SLC26A9: variants seen among roughly 807,000 people sequenced by gnomAD.
SLC26A9 encodes anion transporter/exchanger protein 9.
SLC26A9 carries 46 observed loss-of-function variants against 87.1 expected under a neutral mutation model. The observed-to-expected ratio is 0.53, with a 90% confidence interval of 0.42 to 0.67. The LOEUF is 0.67. Ranked by LOEUF, SLC26A9 falls within the 30% of genes least tolerant of loss-of-function variation. The pLI is 0.00. For synonymous variants in SLC26A9, 437 were observed against 409.1 expected (o/e 1.07, Z -0.82); for missense variants, 927 against 1,018.3 (o/e 0.91, Z 1.22).
intron 17 of SLC26A9, among the ~76,000 whole-genome samples, chr1:205,921,322 C>T (rs1349001908): frequency 1.3e-5 from 2 of 152,064 alleles, no homozygotes; most frequent in East Asian, 3.9e-4. Flanking sequence ...GTTGGGAGCA[C>T]AGGGGCCTGA....
At chr1:205,927,143 A>T in intron 11 of SLC26A9, 68 bp downstream of exon 11, 6 of 1,552,158 alleles carry the variant, frequency 3.9e-6, no homozygotes, top group Non-Finnish European at 4.4e-6. Context: ...GTAAAGTGCC[A>T]CACAACTCTC....
At chr1:205,926,816 C>T (rs892594449) in intron 11 of SLC26A9, among the ~76,000 whole-genome samples, 186 bp from the exon 12 acceptor site, 5 of 152,334 alleles carry the variant, frequency 3.3e-5, no homozygotes, top group South Asian at 2.1e-4. Flanking sequence ...CCATGGGGTC[C>T]TTCCTGGCCC....
At chr1:205,931,465 G>GTTTTTTTGTTTTTTTTT (rs1659300949) in intron 5 of SLC26A9, among the ~76,000 whole-genome samples, 1 of 96,012 alleles carries the variant, frequency 1.0e-5, no homozygotes, top group African/African-American at 4.3e-5. Flanking sequence ...CCCTAACTTG[G>GTTTTTTTGTTTTTTTTT]TTTTTTTTTT....
At chr1:205,928,340 C>T (rs113221021) in intron 8 of SLC26A9, 16 of 460,920 alleles carry the variant, frequency 3.5e-5, no homozygotes, top group African/African-American at 7.8e-5. Context: ...CCTGTATGCT[C>T]ACGAGTCCAC....
chr1:205,924,635 A>G, intron 12 of SLC26A9, 146 bp from the exon 13 acceptor site: 1 of 647,224 alleles, frequency 1.5e-6, no homozygotes, highest in Non-Finnish European at 2.7e-6. Context: ...ATTTTTTGCA[A>G]TATTTTATGT....
chr1:205,929,326 G>T lies in SLC26A9; in HGVS notation c.748C>A (p.His250Asn), dbSNP rs143411715. 1.2e-6 allele frequency: 2 copies of T among 1,614,190 alleles called. No homozygotes were observed. Among genetic ancestry groups the T allele is most frequent in the East Asian group, 2.2e-5 (1 of 44,888 alleles). Reference protein sequence around the residue: ...TFIDICKNLPHTNIASLIFAL... With the variant: ...TFIDICKNLPNTNIASLIFAL... ...AAGATGAGCGAGGCGATGTTGGTGT[G>T]GGGGAGGTTTTTGCAAATGTCAATG... Residue 250 changes from histidine to asparagine, a missense_variant, in exon 7 of 21, where the codon CAC (histidine) becomes AAC (asparagine). By Grantham distance (68) the His-to-Asn change is moderately conservative. Coordinates refer to ENST00000367135, the MANE Select transcript of SLC26A9 (RefSeq NM_052934.4).
At chr1:205,932,866 A>C in intron 3 of SLC26A9, 54 bp from the exon 4 acceptor site, 1 of 1,600,308 alleles carries the variant, frequency 6.2e-7, no homozygotes, top group South Asian at 1.1e-5. Context: ...TATGGGGATC[A>C]CAGAGGGATG....
chr1:205,920,499 A>G (rs1658782876), intron 17 of SLC26A9, among the ~76,000 whole-genome samples: 2 of 151,616 alleles, frequency 1.3e-5, no homozygotes, highest in African/African-American at 2.4e-5. Flanking sequence ...GGGGCTAGAT[A>G]TTTTCTTTTT....
intron 6 of SLC26A9, 42 bp from the exon 7 acceptor site, chr1:205,929,398 T>A: frequency 1.2e-6 from 2 of 1,603,020 alleles, no homozygotes; most frequent in Non-Finnish European, 8.5e-7. Context: ...CCACCCCTTC[T>A]TCCCATAATA....
intron 1 of SLC26A9, among the ~76,000 whole-genome samples, chr1:205,936,447 C>T (rs990811354): frequency 6.6e-6 from 1 of 152,128 alleles, no homozygotes; most frequent in Non-Finnish European, 1.5e-5. Flanking sequence ...GCTCTCTCTC[C>T]CACGGCTTCC....
At chr1:205,919,873 A>T (rs1197696051) in intron 18 of SLC26A9, among the ~76,000 whole-genome samples, 1 of 152,164 alleles carries the variant, frequency 6.6e-6, no homozygotes, top group Non-Finnish European at 1.5e-5. Flanking sequence ...CCCTTGAGAG[A>T]TAAAGTGACT....
At position 205,921,766 on chromosome 1, in the gene SLC26A9, C is replaced by G; in HGVS notation, c.1855G>C (p.Gly619Arg). ...AAGGTGATATAGGACACGCTGGTGC[C>G]GTTAGCCGGGGTCTGGTTGTTGTTG... ...DPNNNQTPAN[G>R]TSVSYITFSP... The change falls in exon 17 of 21, where the codon GGC (glycine) becomes CGC (arginine). Residue 619 changes from glycine to arginine, a missense_variant. Coordinates refer to ENST00000367135, the MANE Select transcript of SLC26A9 (RefSeq NM_052934.4). 1 of 1,600,992 alleles carries G rather than the reference C, an allele frequency of 6.2e-7. No individual in the cohort carries two copies. Among genetic ancestry groups the G allele is most frequent in the Non-Finnish European group, 8.5e-7 (1 of 1,174,250 alleles).
chr1:205,921,738 C>T lies in SLC26A9; in HGVS notation c.1883G>A (p.Ser628Asn). The change falls in exon 17 of 21, where the codon AGC becomes AAC. Residue 628 changes from serine (S) to asparagine (N), a missense_variant. Physicochemically the swap from Ser to Asn is conservative, Grantham distance 46 (BLOSUM62 1). Coordinates refer to ENST00000367135, the MANE Select transcript of SLC26A9 (RefSeq NM_052934.4). The part of the protein sequence containing the change: ...NGTSVSYITF[S>N]PDSSSPAQSE... Reference sequence around the variant, plus strand: ...CTGGGCAGGTGAGGAGCTGTCAGGGCTGAAGGTGATATAGGACACGCTGGT... The same window carrying T: ...CTGGGCAGGTGAGGAGCTGTCAGGGTTGAAGGTGATATAGGACACGCTGGT... The T allele has an allele frequency of 6.3e-7, 1 of 1,592,754 alleles. No homozygotes were observed. The highest frequency in any genetic ancestry group is 8.5e-7 in the Non-Finnish European group (1 of 1,169,746).
chr1:205,917,097 T>TAA lies in SLC26A9; in HGVS notation c.2328+184_2328+185dup, dbSNP rs397957046. ...GATAGAGTGAGACTTTGTCTCAAAT[T>TAA]AAAAAAAAAAAAAAAAGAAAAGGAA... On this transcript the variant is annotated intron_variant, in intron 20 of 20. Transcript: ENST00000367135. Among the ~76,000 whole-genome samples, 634 of 111,004 alleles carry TAA rather than the reference T, an allele frequency of 5.7e-3. 8 individuals carry two copies. The highest frequency in any genetic ancestry group is 0.027 in the South Asian group (91 of 3,368). The allele number at this position is 111,004 out of a possible 152,430, so 72.8% of individuals were successfully genotyped here.
intron 17 of SLC26A9, 39 bp from the exon 18 acceptor site, chr1:205,920,269 A>G (rs773650861): frequency 1.2e-5 from 20 of 1,612,940 alleles, no homozygotes; most frequent in Non-Finnish European, 1.6e-5. Flanking sequence ...AAAGGAAAGG[A>G]ATGTTCTGAG....
intron 2 of SLC26A9, among the ~76,000 whole-genome samples, chr1:205,933,767 C>G (rs550704421): frequency 2.6e-5 from 4 of 152,254 alleles, no homozygotes; most frequent in African/African-American, 4.8e-5. Context: ...AACTCCAATA[C>G]CGGAGTTCTT....
chr1:205,923,880 G>A (rs1009838392), intron 13 of SLC26A9, among the ~76,000 whole-genome samples: 4 of 152,260 alleles, frequency 2.6e-5, no homozygotes, highest in East Asian at 1.9e-4. Context: ...GGTGGGAGTC[G>A]CCCTGAAGTC....
At chr1:205,927,704 G>A in intron 9 of SLC26A9, 99 bp from the exon 10 acceptor site, 1 of 1,394,230 alleles carries the variant, frequency 7.2e-7, no homozygotes, top group Non-Finnish European at 9.9e-7. Flanking sequence ...CCTAAGACCT[G>A]AGAGTGACCC....
chr1:205,939,866 G>GA (rs1209485009), intron 1 of SLC26A9, among the ~76,000 whole-genome samples: 3 of 151,918 alleles, frequency 2.0e-5, no homozygotes, highest in Non-Finnish European at 2.9e-5. Flanking sequence ...AGCATCGCTG[G>GA]AAAAAAAAGT....
Sources: gnomAD v4.1 joint callset for allele counts (sites outside exome capture counted in the v4.1 genomes callset) on GRCh38, gnomAD v4.1.1 for gene constraint, MANE v1.5 for transcripts, NCBI Gene and HGNC (gene_info 2026-07-23, HGNC 2026-07-21) for gene names.